The following CCDC171 variants were observed in gnomAD, a reference collection of about 807,000 sequenced individuals.
CCDC171 encodes the protein coiled-coil domain containing 171.
In CCDC171, 177 loss-of-function variants were observed where a neutral mutation model predicts 168.2. The ratio of observed to expected loss-of-function variants is 1.05; its 90% confidence interval spans 0.93 to 1.19. The LOEUF is 1.19. Among genes scored for constraint, CCDC171 ranks in the 50% most tolerant of loss-of-function variants. The pLI is 0.00. For synonymous variants in CCDC171, 687 were observed against 540.8 expected, an observed-to-expected ratio of 1.27 and a Z score of -3.75; for missense variants, 1,991 against 1,539.0, an observed-to-expected ratio of 1.29 and a Z score of -4.91.
In CCDC171 at chr9:15,952,688, C is replaced by T. The variant is rs932836892; in HGVS notation, c.3754-18921C>T. The stretch of plus-strand genomic sequence containing the variant: ...CTGGGATTACAGGCATGAGCCACCG[C>T]GCGCGGCCAGATTTTGCTATTTCTG... On this transcript the variant is annotated intron_variant, in intron 25 of 25. Coordinates refer to ENST00000380701, the MANE Select transcript of CCDC171 (RefSeq NM_173550.4). 3.9e-5 allele frequency among the ~76,000 whole-genome samples: 6 copies of T among 152,068 alleles called. No individual in the cohort carries two copies. The South Asian group carries it at 6.2e-4, about 16-fold the overall frequency.
chr9:15,810,860 G>A lies in CCDC171; in HGVS notation c.3267+26166G>A, dbSNP rs188288792. ...CAGAGAGGGGCTCCCACAGTGCAGC[G>A]GCAGGCTGAAGGGTTCCTCAAGCAT... is the stretch of plus-strand genomic sequence containing the variant. On this transcript the variant is annotated intron_variant, in intron 21 of 25. Transcript: ENST00000380701. 2.5e-3 allele frequency among the ~76,000 whole-genome samples: 375 copies of A among 152,330 alleles called. 1 individual carries two copies. The highest frequency in any genetic ancestry group is 8.1e-3 in the African/African-American group (335 of 41,578).
chr9:15,567,521 A>G (rs1448841270), intron 2 of CCDC171, among the ~76,000 whole-genome samples: 2 of 152,192 alleles, frequency 1.3e-5, no homozygotes, highest in Non-Finnish European at 2.9e-5. Flanking sequence ...ATGTAGAATA[A>G]TTTGGGGAGA....
At chr9:15,988,265 C>T (rs1368188276) in intron 3 of CCDC171, among the ~76,000 whole-genome samples, 3 of 151,820 alleles carry the variant, frequency 2.0e-5, no homozygotes, top group Non-Finnish European at 4.4e-5. Flanking sequence ...CTACTGTACA[C>T]TGTATTTTGT....
chr9:15,723,781 A>G lies in CCDC171; in HGVS notation c.1491+35A>G, dbSNP rs777562757. ...AGAATAACTTTTACCTTTTGTATTA[A>G]GAAACAAATATAGTTATCTAGGGAA... On this transcript the variant is annotated intron_variant, in intron 13 of 25. Coordinates refer to ENST00000380701, the MANE Select transcript of CCDC171 (RefSeq NM_173550.4). 1.2e-5 allele frequency: 12 copies of G among 1,017,974 alleles called. No homozygotes were observed. The African/African-American group carries it at 1.9e-4, about 16-fold the overall frequency. The allele number at this position is 1,017,974 out of a possible 1,614,324, so 63.1% of individuals were successfully genotyped here. A position where few individuals can be genotyped will look rare whatever the true frequency, so the allele number is the denominator to read the frequency against.
the CCDC171 span, among the ~76,000 whole-genome samples, chr9:16,099,490 T>A: frequency 2.6e-5 from 4 of 152,236 alleles, no homozygotes; most frequent in African/African-American, 9.6e-5. Flanking sequence ...ATCAGCTGTT[T>A]CTGATTTATT....
intron 1 of CCDC171, among the ~76,000 whole-genome samples, chr9:16,051,828 G>GT (rs2133072031): frequency 6.6e-6 from 1 of 152,304 alleles, no homozygotes; most frequent in African/African-American, 2.4e-5. Context: ...CCAAGATTGG[G>GT]TAATTTATAA....
chr9:16,004,384 A>C (rs183045283), intron 3 of CCDC171, among the ~76,000 whole-genome samples: 7 of 152,354 alleles, frequency 4.6e-5, no homozygotes. Context: ...AGAAGGCTGG[A>C]AAATTCAGTC....
At chr9:15,815,232 T>C (rs1016845918) in intron 21 of CCDC171, among the ~76,000 whole-genome samples, 1 of 152,168 alleles carries the variant, frequency 6.6e-6, no homozygotes, top group Non-Finnish European at 1.5e-5. Context: ...TAGCCGCCCG[T>C]ATCATTCCTT....
intron 24 of CCDC171, 164 bp downstream of exon 24, chr9:15,874,827 A>C (rs1375073785): frequency 5.9e-6 from 4 of 678,850 alleles, no homozygotes; most frequent in African/African-American, 1.9e-5. Flanking sequence ...TTTACAAAAT[A>C]TTGTTTTTTT....
chr9:16,069,430 C>T, the CCDC171 span, among the ~76,000 whole-genome samples: 1 of 152,088 alleles, frequency 6.6e-6, no homozygotes, highest in Non-Finnish European at 1.5e-5. Context: ...TGCGTGTGCA[C>T]GTGTGTGTGC....
At chr9:15,849,655 G>A (rs909684754) in intron 23 of CCDC171, among the ~76,000 whole-genome samples, 2 of 151,660 alleles carry the variant, frequency 1.3e-5, no homozygotes, top group African/African-American at 4.8e-5. Context: ...TTGTTTATGT[G>A]TTTCTGCTAC....
chr9:15,642,540 C>G (rs904685960), intron 7 of CCDC171, among the ~76,000 whole-genome samples: 1 of 151,438 alleles, frequency 6.6e-6, no homozygotes, highest in African/African-American at 2.4e-5. Flanking sequence ...TCCTCTAGCA[C>G]CCTCTGCTGG....
At chr9:15,910,414 C>G (rs1035946144) in intron 24 of CCDC171, among the ~76,000 whole-genome samples, 2 of 152,094 alleles carry the variant, frequency 1.3e-5, no homozygotes, top group East Asian at 1.9e-4. Context: ...CCATTCTGTT[C>G]CATTGATCTG....
chr9:15,554,222 G>A (rs1472825064), intron 1 of CCDC171, among the ~76,000 whole-genome samples: 1 of 152,126 alleles, frequency 6.6e-6, no homozygotes, highest in Non-Finnish European at 1.5e-5. Context: ...GGGTTTCACT[G>A]TGTTAGCCAG....
intron 21 of CCDC171, among the ~76,000 whole-genome samples, chr9:15,837,516 A>G (rs915883189): frequency 6.6e-6 from 1 of 152,208 alleles, no homozygotes; most frequent in East Asian, 1.9e-4. Context: ...TTACTTCCCC[A>G]GAATATATAT....
chr9:16,047,547 C>G (rs549555118), intron 1 of CCDC171, among the ~76,000 whole-genome samples: 7 of 152,324 alleles, frequency 4.6e-5, no homozygotes, highest in East Asian at 1.9e-4. Context: ...TGTGGCCATT[C>G]TTTCTTAAAG....
At position 15,667,766 on chromosome 9, in the gene CCDC171, T is replaced by G. The variant is rs1330978093; in HGVS notation, c.1076+1443T>G. On this transcript the variant is annotated intron_variant, in intron 9 of 25. Transcript: ENST00000380701. ...ATCACGAAGATTGCACCTGAAAGAC[T>G]GAAAACATTAAAAACTCTTAAACTG... Among the ~76,000 whole-genome samples the G allele has an allele frequency of 3.9e-5, 6 of 152,222 alleles. No homozygotes were observed. The East Asian group carries it at 9.6e-4, about 24-fold the overall frequency.
chr9:15,881,003 C>G (rs1230526037), intron 24 of CCDC171, among the ~76,000 whole-genome samples: 4 of 152,130 alleles, frequency 2.6e-5, no homozygotes, highest in African/African-American at 9.7e-5. Context: ...AGCTACTTGA[C>G]AGGTATAGAC....
intron 21 of CCDC171, among the ~76,000 whole-genome samples, chr9:15,807,682 T>C (rs1460650666): frequency 2.0e-5 from 3 of 151,980 alleles, no homozygotes; most frequent in East Asian, 3.9e-4. Context: ...CACATTCACA[T>C]CTTATTGTTC....
Sources: allele counts gnomAD v4.1 joint callset (sites outside exome capture counted in the v4.1 genomes callset), GRCh38; gene constraint gnomAD v4.1.1; transcripts MANE v1.5; gene names NCBI Gene and HGNC (gene_info 2026-07-23, HGNC 2026-07-21).